Variants in DLG2 observed in about 807,000 individuals in gnomAD.
DLG2 encodes the protein discs large MAGUK scaffold protein 2, also known as disks large homolog 2.
A neutral mutation model predicts 132.5 loss-of-function variants in DLG2; 45 were observed. The ratio of observed to expected loss-of-function variants is 0.34; its 90% confidence interval spans 0.27 to 0.44. DLG2 has a LOEUF of 0.44. Among genes scored for constraint, DLG2 ranks in the 20% least tolerant of loss-of-function variants. The pLI is 1.00. For synonymous variants in DLG2, 424 were observed against 419.6 expected (o/e 1.01, Z -0.13); for missense variants, 1,045 against 1,196.9 (o/e 0.87, Z 1.87).
At chr11:83,783,819 C>G (rs747046844) in intron 18 of DLG2, among the ~76,000 whole-genome samples, 2 of 152,138 alleles carry the variant, frequency 1.3e-5, no homozygotes, top group Admixed American at 1.3e-4. Flanking sequence ...TGTCCTGACC[C>G]CTTCAGGCTT....
At chr11:84,729,743 A>G (rs1024330761) in intron 6 of DLG2, among the ~76,000 whole-genome samples, 5 of 152,028 alleles carry the variant, frequency 3.3e-5, no homozygotes, top group Non-Finnish European at 7.4e-5. Context: ...ATTAGTCAAT[A>G]AATGGATGAA....
At chr11:85,427,827 C>T (rs1323146620) in intron 3 of DLG2, among the ~76,000 whole-genome samples, 2 of 152,180 alleles carry the variant, frequency 1.3e-5, no homozygotes, top group African/African-American at 2.4e-5. Context: ...AAGACACAGA[C>T]TGGCAAATTG....
intron 7 of DLG2, among the ~76,000 whole-genome samples, chr11:84,486,673 A>C (rs1463907105): frequency 1.3e-5 from 2 of 152,132 alleles, no homozygotes; most frequent in Non-Finnish European, 2.9e-5. Context: ...AAGTCCTATG[A>C]ATGTTCTTGG....
intron 3 of DLG2, among the ~76,000 whole-genome samples, chr11:85,426,728 C>G (rs572550890): frequency 6.6e-6 from 1 of 152,300 alleles, no homozygotes; most frequent in South Asian, 2.1e-4. Context: ...ACCTCTCCTC[C>G]TCCAAAGGAA....
At chr11:85,384,459 GT>G (rs575475579) in intron 3 of DLG2, among the ~76,000 whole-genome samples, 34 of 152,282 alleles carry the variant, frequency 2.2e-4, no homozygotes, top group Admixed American at 5.9e-4. Context: ...CAAAAAGCTA[GT>G]TACTTAACTT....
intron 6 of DLG2, among the ~76,000 whole-genome samples, chr11:84,719,583 T>C (rs1565768081): frequency 6.6e-6 from 1 of 152,320 alleles, no homozygotes; most frequent in East Asian, 1.9e-4. Context: ...GCACCATTAA[T>C]ATATTTCAGA....
intron 8 of DLG2, among the ~76,000 whole-genome samples, chr11:84,216,879 C>A (rs2096842520): frequency 6.6e-6 from 1 of 151,990 alleles, no homozygotes. Flanking sequence ...ATTTGTTTTT[C>A]TGAATTTACC....
At chr11:84,054,983 G>A (rs2096471963) in intron 11 of DLG2, among the ~76,000 whole-genome samples, 1 of 151,856 alleles carries the variant, frequency 6.6e-6, no homozygotes, top group Non-Finnish European at 1.5e-5. Context: ...TTTATATTAA[G>A]ATTAATAAAA....
At chr11:84,640,462 CT>C in intron 6 of DLG2, 1 of 459,836 alleles carries the variant, frequency 2.2e-6, no homozygotes, top group Non-Finnish European at 3.7e-6. Context: ...AATTCAGCTG[CT>C]TTGATTCAGC....
chr11:84,873,677 T>C (rs2154046013), intron 6 of DLG2, among the ~76,000 whole-genome samples: 1 of 152,346 alleles, frequency 6.6e-6, no homozygotes, highest in East Asian at 1.9e-4. Context: ...ATTTTGTCAT[T>C]TTCAGCAAAG....
chr11:84,123,310 A>G (rs2094012132), intron 9 of DLG2, among the ~76,000 whole-genome samples: 1 of 152,238 alleles, frequency 6.6e-6, no homozygotes, highest in Non-Finnish European at 1.5e-5. Context: ...TTTCATATTG[A>G]TAATTTCATA....
At chr11:85,229,996 G>A (rs1194948332) in intron 4 of DLG2, among the ~76,000 whole-genome samples, 2 of 152,168 alleles carry the variant, frequency 1.3e-5, no homozygotes, top group Admixed American at 6.6e-5. Flanking sequence ...GGGAGCTAGA[G>A]GAGGGATAGC....
At chr11:83,880,410 G>A (rs2065885580) in intron 15 of DLG2, among the ~76,000 whole-genome samples, 1 of 152,170 alleles carries the variant, frequency 6.6e-6, no homozygotes, top group East Asian at 1.9e-4. Flanking sequence ...TTTAGAGGTA[G>A]AATATTCAGG....
At chr11:84,257,138 A>T (rs185376987) in intron 7 of DLG2, among the ~76,000 whole-genome samples, 1 of 151,852 alleles carries the variant, frequency 6.6e-6, no homozygotes. Flanking sequence ...TTCCCCCATA[A>T]CCCTCTATTA....
chr11:84,612,638 G>GT (rs1043839324), intron 6 of DLG2, among the ~76,000 whole-genome samples: 53 of 151,978 alleles, frequency 3.5e-4, no homozygotes, highest in African/African-American at 7.7e-4. Flanking sequence ...TAAAGGTAAT[G>GT]TTTTTTCTTT....
chr11:83,769,289 G>C (rs771850537), intron 18 of DLG2, among the ~76,000 whole-genome samples: 1 of 152,040 alleles, frequency 6.6e-6, no homozygotes, highest in Non-Finnish European at 1.5e-5. Flanking sequence ...TGATGCTTAG[G>C]CTTAAAAATA....
At chr11:84,226,702 C>G (rs2097000483) in intron 8 of DLG2, among the ~76,000 whole-genome samples, 1 of 152,144 alleles carries the variant, frequency 6.6e-6, no homozygotes, top group Non-Finnish European at 1.5e-5. Context: ...TACTACAAGT[C>G]TGTTTAATCC....
chr11:84,588,127 A>C (rs1383787693), intron 6 of DLG2, among the ~76,000 whole-genome samples: 1 of 152,236 alleles, frequency 6.6e-6, no homozygotes, highest in South Asian at 2.1e-4. Context: ...ATTTATTGAC[A>C]TTCCCTAAAT....
intron 3 of DLG2, among the ~76,000 whole-genome samples, chr11:85,308,826 A>C (rs2080133494): frequency 6.6e-6 from 1 of 152,148 alleles, no homozygotes; most frequent in Admixed American, 6.5e-5. Context: ...CTTATATGGC[A>C]GACTATAGAG....
Sources: allele counts gnomAD v4.1 joint callset (sites outside exome capture counted in the v4.1 genomes callset), GRCh38; gene constraint gnomAD v4.1.1; transcripts MANE v1.5; gene names NCBI Gene and HGNC (gene_info 2026-07-23, HGNC 2026-07-21).